The following LRRIQ3 variants were observed in gnomAD, a reference collection of about 807,000 sequenced individuals.
LRRIQ3 encodes the protein leucine-rich repeat and IQ domain-containing protein 3.
LRRIQ3 carries 75 observed loss-of-function variants against 59.3 expected under a neutral mutation model. The observed-to-expected ratio is 1.26, with a 90% confidence interval of 1.05 to 1.53. The LOEUF is 1.53. Among genes scored for constraint, LRRIQ3 ranks in the 40% most tolerant of loss-of-function variants. LRRIQ3 has a pLI of 0.00. For synonymous variants in LRRIQ3, 250 were observed against 231.3 expected, an observed-to-expected ratio of 1.08 and a Z score of -0.73; for missense variants, 831 against 710.0, an observed-to-expected ratio of 1.17 and a Z score of -1.94.
At chr1:74,099,518 T>A (rs1646500234) in intron 5 of LRRIQ3, among the ~76,000 whole-genome samples, 1 of 152,106 alleles carries the variant, frequency 6.6e-6, no homozygotes, top group Non-Finnish European at 1.5e-5. Context: ...ACTATTCCAA[T>A]CAATAGAAGA....
intron 3 of LRRIQ3, among the ~76,000 whole-genome samples, chr1:74,159,908 T>G (rs1352418321): frequency 2.0e-5 from 3 of 152,090 alleles, no homozygotes; most frequent in African/African-American, 7.2e-5. Flanking sequence ...CCTCTTTCTC[T>G]CGCACCTTTT....
intron 3 of LRRIQ3, among the ~76,000 whole-genome samples, chr1:74,162,966 T>C (rs1648748814): frequency 6.6e-6 from 1 of 151,568 alleles, no homozygotes. Flanking sequence ...TAACATATTA[T>C]ATAGTTTTAG....
intron 3 of LRRIQ3, among the ~76,000 whole-genome samples, chr1:74,170,945 T>C (rs1028580882): frequency 6.6e-6 from 1 of 152,278 alleles, no homozygotes; most frequent in East Asian, 1.9e-4. Context: ...TTAAATGAGA[T>C]TGCTTTCTTA....
Position 74,100,519 on chromosome 1 carries a change from G to A in LRRIQ3, c.867+8875C>T, listed in dbSNP as rs1016919704. The stretch of plus-strand genomic sequence containing the variant: ...ATAGATTCAATGCCATCCCCATAAA[G>A]CTACTAATGACTTTCTTCACAGAAT... On this transcript the variant is annotated intron_variant, in intron 5 of 7. Transcript: ENST00000354431. 1.4e-3 allele frequency among the ~76,000 whole-genome samples: 209 copies of A among 152,198 alleles called. 2 individuals carry two copies. Among genetic ancestry groups the A allele is most frequent in the Non-Finnish European group, 4.0e-4 (27 of 68,016 alleles).
intron 5 of LRRIQ3, among the ~76,000 whole-genome samples, chr1:74,101,268 C>T (rs567899102): frequency 2.6e-5 from 4 of 152,202 alleles, no homozygotes; most frequent in East Asian, 3.9e-4. Context: ...AAACACTTCT[C>T]GAAAGAAGAC....
At chr1:74,169,416 T>C (rs1649187687) in intron 3 of LRRIQ3, among the ~76,000 whole-genome samples, 1 of 152,194 alleles carries the variant, frequency 6.6e-6, no homozygotes, top group African/African-American at 2.4e-5. Flanking sequence ...AATTGTTTCT[T>C]ATATAGACCC....
intron 4 of LRRIQ3, among the ~76,000 whole-genome samples, chr1:74,140,638 C>T (rs969498593): frequency 3.3e-5 from 5 of 151,744 alleles, no homozygotes; most frequent in African/African-American, 9.7e-5. Flanking sequence ...ACGTGAAAAG[C>T]GTGGGCCATA....
At chr1:74,030,481 G>T (rs1021764263) in intron 7 of LRRIQ3, among the ~76,000 whole-genome samples, 1 of 152,060 alleles carries the variant, frequency 6.6e-6, no homozygotes, top group South Asian at 2.1e-4. Context: ...TCTGATCCTT[G>T]ACAAACCTGA....
intron 6 of LRRIQ3, among the ~76,000 whole-genome samples, chr1:74,044,498 C>T (rs565942232): frequency 6.6e-6 from 1 of 152,070 alleles, no homozygotes; most frequent in East Asian, 1.9e-4. Flanking sequence ...GCTCTAAATG[C>T]CCACAGGAGA....
At chr1:74,109,629 C>T (rs1400553946) in intron 4 of LRRIQ3, 76 bp from the exon 5 acceptor site, 139 of 1,190,620 alleles carry the variant, frequency 1.2e-4, no homozygotes, top group Non-Finnish European at 1.5e-4. Context: ...CATGAGTTCA[C>T]TTACATCTTA....
Position 74,041,463 on chromosome 1 carries a change from T to C in LRRIQ3, c.1468A>G (p.Arg490Gly). 2 of 1,613,660 alleles carry C rather than the reference T, an allele frequency of 1.2e-6. No individual in the cohort carries two copies. The highest frequency in any genetic ancestry group is 1.7e-6 in the Non-Finnish European group (2 of 1,179,876). The change falls in exon 7 of 8, where the codon AGA (arginine) becomes GGA (glycine). Residue 490 changes from arginine to glycine, a missense_variant. Physicochemically the swap from Arg to Gly is moderately radical, Grantham distance 125. Transcript: ENST00000354431. ...CTAGCTTTTTCAAGGTAGTTGAATC[T>C]GTTTTGCCAAACTTGTCGTAAACTG... Reference protein sequence around the residue: ...QNSLRQVWQNRFNYLEKARER... With the variant: ...QNSLRQVWQNGFNYLEKARER...
At chr1:74,039,944 C>G (rs1034880331) in intron 7 of LRRIQ3, among the ~76,000 whole-genome samples, 2 of 151,996 alleles carry the variant, frequency 1.3e-5, no homozygotes, top group African/African-American at 4.8e-5. Flanking sequence ...AAATATTAAC[C>G]TAAAGTGTAA....
chr1:74,103,831 T>C (rs1232955757), intron 5 of LRRIQ3, among the ~76,000 whole-genome samples: 1 of 149,022 alleles, frequency 6.7e-6, no homozygotes, highest in South Asian at 2.1e-4. Context: ...AGACATAAAA[T>C]ACTAAAAGCA....
At chr1:74,043,311 G>A (rs1036041872) in intron 6 of LRRIQ3, among the ~76,000 whole-genome samples, 12 of 152,072 alleles carry the variant, frequency 7.9e-5, no homozygotes, top group African/African-American at 2.9e-4. Context: ...GTCTTTATGT[G>A]TAAAAATGTC....
At chr1:74,152,396 T>G (rs904118825) in intron 4 of LRRIQ3, among the ~76,000 whole-genome samples, 1 of 152,000 alleles carries the variant, frequency 6.6e-6, no homozygotes, top group Non-Finnish European at 1.5e-5. Flanking sequence ...CAACAATATA[T>G]CTCCAGTCTA....
chr1:74,111,215 A>T (rs969376777), intron 4 of LRRIQ3, among the ~76,000 whole-genome samples: 3 of 151,996 alleles, frequency 2.0e-5, no homozygotes, highest in African/African-American at 7.2e-5. Context: ...GAAAAAAAAA[A>T]GTTTCTACCA....
chr1:74,038,109 T>C (rs1653927509), intron 7 of LRRIQ3, among the ~76,000 whole-genome samples: 1 of 152,172 alleles, frequency 6.6e-6, no homozygotes, highest in Non-Finnish European at 1.5e-5. Flanking sequence ...CTCCAGGATA[T>C]GCTTTTCCCC....
rs1647097109 is a variant in LRRIQ3 at position 74,134,946 on chromosome 1, C to A, written c.707+20787G>T. Among the ~76,000 whole-genome samples the A allele has an allele frequency of 4.6e-5, 7 of 151,872 alleles. No individual in the cohort carries two copies. In the South Asian group the frequency reaches 1.5e-3, roughly 31 times the overall value. On this transcript the variant is annotated intron_variant, in intron 4 of 7. Coordinates refer to ENST00000354431, the MANE Select transcript of LRRIQ3 (RefSeq NM_001105659.2). The stretch of plus-strand genomic sequence containing the variant: ...TGGATTAAATATTCCAATTAAAAGA[C>A]AAATGTTTTCAGATTAACTTAAAAA...
intron 7 of LRRIQ3, among the ~76,000 whole-genome samples, chr1:74,040,469 C>T (rs1009779207): frequency 4.6e-5 from 7 of 152,188 alleles, no homozygotes; most frequent in Admixed American, 3.9e-4. Context: ...ATTCTCTACA[C>T]CAAATCAACA....
Sources: allele counts gnomAD v4.1 joint callset (sites outside exome capture counted in the v4.1 genomes callset), GRCh38; gene constraint gnomAD v4.1.1; transcripts MANE v1.5; gene names NCBI Gene and HGNC (gene_info 2026-07-23, HGNC 2026-07-21).